NTNG2: variants seen among roughly 807,000 people sequenced by gnomAD.
The protein encoded by NTNG2 is netrin-G2.
In NTNG2, 15 loss-of-function variants were observed where a neutral mutation model predicts 47.6. The ratio of observed to expected loss-of-function variants is 0.32; its 90% confidence interval spans 0.21 to 0.49. NTNG2 has a LOEUF of 0.49. Ranked by LOEUF, NTNG2 falls within the 20% of genes least tolerant of loss-of-function variation. The pLI, the probability that NTNG2 is intolerant of heterozygous loss-of-function variation, is 0.99. For missense variants in NTNG2, 578 were observed against 764.6 expected, an observed-to-expected ratio of 0.76 and a Z score of 2.88; for synonymous variants, 307 against 324.6, an observed-to-expected ratio of 0.95 and a Z score of 0.58.
intron 3 of NTNG2, among the ~76,000 whole-genome samples, chr9:132,202,550 A>G (rs1305790887): frequency 6.6e-6 from 1 of 152,162 alleles, no homozygotes; most frequent in Non-Finnish European, 1.5e-5. Context: ...CTCCTTCCAC[A>G]CATGGGGAAA....
At position 132,197,852 on chromosome 9, in the gene NTNG2, G is replaced by A. The variant is rs902119395; in HGVS notation, c.214-114G>A. On this transcript the variant is annotated intron_variant, in intron 2 of 7. Coordinates refer to ENST00000393229, the MANE Select transcript of NTNG2 (RefSeq NM_032536.4). This position sits in a 1 kb window ranked among gnomAD's most constrained non-coding sequence, Gnocchi z 4.3. Reference sequence around the variant, plus strand: ...GTCTGGGCACCGGAGCACAGGCCCTGTAGCCACAGAGCAGGTTTCTCGGTT... The same window carrying A: ...GTCTGGGCACCGGAGCACAGGCCCTATAGCCACAGAGCAGGTTTCTCGGTT... 7.0e-6 allele frequency: 7 copies of A among 1,004,764 alleles called. No homozygotes were observed. Among genetic ancestry groups the A allele is most frequent in the Non-Finnish European group, 1.0e-5 (7 of 697,526 alleles). 62.2% of individuals were successfully genotyped at this position (1,004,764 alleles called of 1,614,324 possible). A position where few individuals can be genotyped will look rare whatever the true frequency, so the allele number is the denominator to read the frequency against.
At position 132,231,498 on chromosome 9, in the gene NTNG2, G is replaced by A. The variant is rs1841222230; in HGVS notation, c.1054+903G>A. On this transcript the variant is annotated intron_variant, in intron 5 of 7. Coordinates refer to ENST00000393229, the MANE Select transcript of NTNG2 (RefSeq NM_032536.4). This position sits in a 1 kb window ranked among gnomAD's most constrained non-coding sequence, Gnocchi z 4.1. ...CCCGGACCCAGGGGGCCCCTGGCTG[G>A]GAAGCCAGTGAGCCGAGAGGGCGCC... 4 of 359,350 alleles carry A rather than the reference G, an allele frequency of 1.1e-5. No individual in the cohort carries two copies. Among genetic ancestry groups the A allele is most frequent in the Non-Finnish European group, 2.2e-5 (4 of 181,948 alleles). 22.3% of individuals were successfully genotyped at this position (359,350 alleles called of 1,614,324 possible).
chr9:132,209,015 G>A (rs1235776164), intron 3 of NTNG2, among the ~76,000 whole-genome samples: 4 of 152,150 alleles, frequency 2.6e-5, no homozygotes, highest in African/African-American at 9.7e-5. Context: ...TGCGTGGCTC[G>A]GGCTCCTCAC....
In NTNG2 at chr9:132,226,329, G is replaced by C. The variant is rs1332175688; in HGVS notation, c.858-520G>C. On this transcript the variant is annotated intron_variant, in intron 3 of 7. Transcript: ENST00000393229. This position sits in a 1 kb window ranked among gnomAD's most constrained non-coding sequence, Gnocchi z 4.8. Reference sequence around the variant, plus strand: ...AACTGACGGGGGTGTGGGAGTTGGGGGTTCTATCTGTTGCCCTCAAGGGCG... The same window carrying C: ...AACTGACGGGGGTGTGGGAGTTGGGCGTTCTATCTGTTGCCCTCAAGGGCG... Among the ~76,000 whole-genome samples, 1 of 152,194 alleles carries C rather than the reference G, an allele frequency of 6.6e-6. No individual in the cohort carries two copies. The highest frequency in any genetic ancestry group is 1.5e-5 in the Non-Finnish European group (1 of 68,036).
chr9:132,213,995 C>G (rs1225281807), intron 3 of NTNG2, among the ~76,000 whole-genome samples: 3 of 152,204 alleles, frequency 2.0e-5, no homozygotes, highest in Non-Finnish European at 4.4e-5. Flanking sequence ...CCTGCCCACC[C>G]CAGTTCAGAG....
At chr9:132,203,902 G>A (rs1838972410) in intron 3 of NTNG2, among the ~76,000 whole-genome samples, 1 of 152,226 alleles carries the variant, frequency 6.6e-6, no homozygotes, top group Non-Finnish European at 1.5e-5. Context: ...TTGCCAGCAG[G>A]AACAGGAAAG....
chr9:132,164,553 C>T (rs1438460760), intron 1 of NTNG2, among the ~76,000 whole-genome samples: 1 of 152,232 alleles, frequency 6.6e-6, no homozygotes, highest in Non-Finnish European at 1.5e-5. Context: ...CTGGGCAGCG[C>T]GAGCTCGGGT....
chr9:132,239,280 G>A lies in NTNG2; in HGVS notation c.1222+9G>A, dbSNP rs755609005. On this transcript the variant is annotated intron_variant, in intron 6 of 7. Coordinates refer to ENST00000393229, the MANE Select transcript of NTNG2 (RefSeq NM_032536.4). ...TGAGAACGTCTGCATTGGTGAGAGG[G>A]CACGGACACGGCACAGGGAACTTGC... The A allele has an allele frequency of 6.2e-7, 1 of 1,613,302 alleles. No homozygotes were observed. The highest frequency in any genetic ancestry group is 8.5e-7 in the Non-Finnish European group (1 of 1,179,970).
At position 132,226,815 on chromosome 9, in the gene NTNG2, C is replaced by T. The variant is rs936725624; in HGVS notation, c.858-34C>T. ...GGCCAGGCCAGGCTGCCCACAAGCTCTCTGACATCTCTGCCCTCTCGGTGT... is the reference window on the plus strand; with the variant it reads ...GGCCAGGCCAGGCTGCCCACAAGCTTTCTGACATCTCTGCCCTCTCGGTGT... On this transcript the variant is annotated intron_variant, in intron 3 of 7. Coordinates refer to ENST00000393229, the MANE Select transcript of NTNG2 (RefSeq NM_032536.4). The surrounding 1 kb of genome is among the most constrained non-coding windows in gnomAD (Gnocchi z 4.8). The T allele has an allele frequency of 1.9e-6, 3 of 1,539,074 alleles. No individual in the cohort carries two copies. The highest frequency in any genetic ancestry group is 1.4e-5 in the African/African-American group (1 of 72,702).
chr9:132,234,323 C>G (rs1297435277), intron 5 of NTNG2, among the ~76,000 whole-genome samples: 1 of 152,216 alleles, frequency 6.6e-6, no homozygotes, highest in African/African-American at 2.4e-5. Flanking sequence ...CCACCGCACC[C>G]GGCCAAGTAG....
chr9:132,228,275 C>T (rs966435419), intron 4 of NTNG2, among the ~76,000 whole-genome samples: 2 of 152,228 alleles, frequency 1.3e-5, no homozygotes, highest in Non-Finnish European at 2.9e-5. Context: ...CTACAGCAGG[C>T]GGTGAGACAG....
intron 3 of NTNG2, among the ~76,000 whole-genome samples, chr9:132,206,695 C>T (rs902855986): frequency 1.3e-5 from 2 of 152,212 alleles, no homozygotes; most frequent in African/African-American, 2.4e-5. Context: ...ATAAAATAAA[C>T]CCAACTCTTT....
intron 7 of NTNG2, chr9:132,241,372 C>G: frequency 2.3e-6 from 1 of 430,888 alleles, no homozygotes; most frequent in Non-Finnish European, 4.2e-6. Flanking sequence ...TGGGCGGGGA[C>G]AGGATGCTGC....
chr9:132,227,144 T>G, intron 4 of NTNG2, 123 bp downstream of exon 4: 1 of 1,091,020 alleles, frequency 9.2e-7, no homozygotes, highest in African/African-American at 1.6e-5. Flanking sequence ...CGTGTGCACA[T>G]GCATGCAAAC....
chr9:132,166,779 G>A lies in NTNG2; in HGVS notation c.-53G>A, dbSNP rs3829759. ...GAGGCCGCGAGTCCCGCCTGACCCC[G>A]TCGCTGCCTCTCCAGGGCTTCTCTG... On this transcript the variant is annotated 5_prime_UTR_variant, in exon 2 of 8. Transcript: ENST00000393229. The A allele has an allele frequency of 8.1e-3, 12,675 of 1,571,262 alleles. 441 individuals carry two copies. The East Asian group carries it at 0.099, about 12-fold the overall frequency.
intron 2 of NTNG2, among the ~76,000 whole-genome samples, chr9:132,192,539 C>T (rs908834211): frequency 2.7e-4 from 41 of 152,088 alleles, no homozygotes; most frequent in African/African-American, 9.7e-4. Context: ...TGCAGTGAGC[C>T]GAGATTGTGC....
At chr9:132,223,696 C>T (rs1191760366) in intron 3 of NTNG2, among the ~76,000 whole-genome samples, 1 of 152,186 alleles carries the variant, frequency 6.6e-6, no homozygotes, top group Non-Finnish European at 1.5e-5. Flanking sequence ...CCGCACACCC[C>T]AGGCGGGACG....
chr9:132,166,348 G>A lies in NTNG2; in HGVS notation c.-483-1G>A, dbSNP rs1279855557. 1.7e-5 allele frequency: 3 copies of A among 172,190 alleles called. No individual in the cohort carries two copies. Among genetic ancestry groups the A allele is most frequent in the Non-Finnish European group, 3.8e-5 (3 of 78,278 alleles). 10.7% of individuals were successfully genotyped at this position (172,190 alleles called of 1,614,324 possible). ...GATTTTATTTTATCTTTACAACGCA[G>A]GCTGGAGGGTTGTTTTGCCGTTGTG... On this transcript the variant is annotated splice_acceptor_variant, in intron 1 of 7. Transcript: ENST00000393229. LOFTEE classifies it low-confidence loss of function (5UTR_SPLICE).
chr9:132,186,393 AAAC>A (rs1837386986), intron 2 of NTNG2, among the ~76,000 whole-genome samples: 1 of 152,202 alleles, frequency 6.6e-6, no homozygotes, highest in African/African-American at 2.4e-5. Flanking sequence ...TCCTTTAAGA[AAAC>A]AATAATACAT....
Sources: gnomAD v4.1 joint callset for allele counts (sites outside exome capture counted in the v4.1 genomes callset) on GRCh38, gnomAD v4.1.1 for gene constraint, Gnocchi (gnomAD v3.1) non-coding constraint, MANE v1.5 for transcripts, NCBI Gene and HGNC (gene_info 2026-07-23, HGNC 2026-07-21) for gene names.